Variants in KCNJ4 observed in about 807,000 individuals in gnomAD.
KCNJ4 encodes the protein potassium inwardly rectifying channel subfamily J member 4, also known as inward rectifier potassium channel 4.
KCNJ4 carries 3 observed loss-of-function variants against 25.6 expected under a neutral mutation model. That is an observed-to-expected ratio of 0.12 (90% CI 0.05 to 0.30). The LOEUF (loss-of-function observed/expected upper bound fraction) is 0.30, where lower values mean the gene tolerates loss of function less well. Ranked by LOEUF, KCNJ4 falls within the 10% of genes least tolerant of loss-of-function variation. KCNJ4 has a pLI of 1.00. For synonymous variants in KCNJ4, 257 were observed against 283.9 expected, an observed-to-expected ratio of 0.91 and a Z score of 0.95; for missense variants, 286 against 666.8, an observed-to-expected ratio of 0.43 and a Z score of 6.29.
chr22:38,448,525 C>T (rs2089391170), intron 1 of KCNJ4, among the ~76,000 whole-genome samples: 1 of 152,234 alleles, frequency 6.6e-6, no homozygotes, highest in African/African-American at 2.4e-5. Context: ...GCTGCCCTTC[C>T]CCTCGCTCCG....
intron 1 of KCNJ4, among the ~76,000 whole-genome samples, chr22:38,448,345 C>T (rs934436743): frequency 6.6e-6 from 1 of 151,958 alleles, no homozygotes; most frequent in Non-Finnish European, 1.5e-5. Flanking sequence ...AAAGGCTGAG[C>T]ACGCCCCACC....
At chr22:38,454,302 G>A (rs1365733595) in intron 1 of KCNJ4, among the ~76,000 whole-genome samples, 1 of 152,134 alleles carries the variant, frequency 6.6e-6, no homozygotes, top group Non-Finnish European at 1.5e-5. Flanking sequence ...GTGGGTAGGG[G>A]GCAGGGAGGC....
chr22:38,434,849 C>T (rs909192677), intron 1 of KCNJ4, among the ~76,000 whole-genome samples: 3 of 152,224 alleles, frequency 2.0e-5, no homozygotes, highest in African/African-American at 7.2e-5. Flanking sequence ...CCAGCATATC[C>T]TCTTTGAACC....
chr22:38,435,610 T>C (rs1027903046), intron 1 of KCNJ4, among the ~76,000 whole-genome samples: 3 of 151,198 alleles, frequency 2.0e-5, no homozygotes, highest in African/African-American at 7.3e-5. Flanking sequence ...GGAGAATCGC[T>C]TGAACCCAGG....
At chr22:38,437,977 G>A (rs370571103) in intron 1 of KCNJ4, among the ~76,000 whole-genome samples, 130 of 152,052 alleles carry the variant, frequency 8.5e-4, no homozygotes, top group African/African-American at 2.7e-3. Context: ...GGTGGCTCAC[G>A]CCTGTATTCC....
At chr22:38,440,139 T>C (rs1330559123) in intron 1 of KCNJ4, among the ~76,000 whole-genome samples, 2 of 151,798 alleles carry the variant, frequency 1.3e-5, no homozygotes, top group African/African-American at 4.8e-5. Context: ...GCCAGGTGTA[T>C]TGGCTCATGC....
intron 1 of KCNJ4, among the ~76,000 whole-genome samples, chr22:38,452,225 G>A (rs113309070): frequency 2.0e-5 from 3 of 152,298 alleles, no homozygotes; most frequent in African/African-American, 7.2e-5. Flanking sequence ...GTGGCCAGCC[G>A]TTCTCTATAC....
intron 1 of KCNJ4, among the ~76,000 whole-genome samples, chr22:38,433,914 A>G (rs1217748902): frequency 2.0e-5 from 3 of 152,194 alleles, no homozygotes; most frequent in Admixed American, 1.3e-4. Context: ...TTAGGACACT[A>G]ACTTATCTGT....
chr22:38,446,954 C>CAAAAAAAAAAAAAAAAAAAAAAA (rs11294836), intron 1 of KCNJ4, among the ~76,000 whole-genome samples: 4 of 133,904 alleles, frequency 3.0e-5, no homozygotes, highest in African/African-American at 1.1e-4. Context: ...GACTCCATCT[C>CAAAAAAAAAAAAAAAAAAAAAAA]AAAAAAAAAA....
Position 38,426,834 on chromosome 22 carries a change from C to A in KCNJ4, c.1299G>T (p.Pro433=). Reference sequence around the variant, plus strand: ...CCCTGCGGTAGGAGATGTTGTCCAGCGGGAGGGAAGCCTGCATGCGCTCCA... The same window carrying A: ...CCCTGCGGTAGGAGATGTTGTCCAGAGGGAGGGAAGCCTGCATGCGCTCCA... ...LDLERMQASL[P]LDNISYRRES... Residue 433 remains proline (P), a synonymous_variant, in exon 2 of 2, where the codon CCG becomes CCT. Transcript: ENST00000303592. The A allele has an allele frequency of 1.2e-6, 2 of 1,613,164 alleles. No individual in the cohort carries two copies. The highest frequency in any genetic ancestry group is 1.1e-5 in the South Asian group (1 of 91,014).
intron 1 of KCNJ4, among the ~76,000 whole-genome samples, chr22:38,446,601 C>T (rs1004562455): frequency 1.3e-5 from 2 of 152,154 alleles, no homozygotes; most frequent in Non-Finnish European, 1.5e-5. Flanking sequence ...TTCATATCAA[C>T]GAGCTATGAT....
chr22:38,447,631 A>C (rs2089383790), intron 1 of KCNJ4, among the ~76,000 whole-genome samples: 3 of 151,798 alleles, frequency 2.0e-5, no homozygotes, highest in African/African-American at 4.8e-5. Context: ...GGGTTGGGGG[A>C]AGCTTCACTG....
intron 1 of KCNJ4, among the ~76,000 whole-genome samples, chr22:38,447,720 A>C (rs2089384157): frequency 6.6e-6 from 1 of 152,136 alleles, no homozygotes; most frequent in African/African-American, 2.4e-5. Context: ...CCCCATCAGT[A>C]AAATGGGGTC....
At chr22:38,434,199 C>A (rs1477098517) in intron 1 of KCNJ4, among the ~76,000 whole-genome samples, 1 of 152,194 alleles carries the variant, frequency 6.6e-6, no homozygotes, top group Non-Finnish European at 1.5e-5. Flanking sequence ...GGTTGTCATG[C>A]ATCTCATGTC....
intron 1 of KCNJ4, among the ~76,000 whole-genome samples, chr22:38,431,374 T>C (rs16998937): frequency 0.038 from 5,816 of 152,210 alleles, 377 homozygotes; most frequent in African/African-American, 0.13. Flanking sequence ...CCAGGGTCAA[T>C]TCTGAGCTTC....
chr22:38,431,484 C>T (rs1206145834), intron 1 of KCNJ4, among the ~76,000 whole-genome samples: 1 of 152,208 alleles, frequency 6.6e-6, no homozygotes, highest in Admixed American at 6.5e-5. Flanking sequence ...CCCCTCACCC[C>T]GGTGCCTCCC....
chr22:38,449,553 C>A lies in KCNJ4; in HGVS notation c.-40+5427G>T, dbSNP rs781528805. Among the ~76,000 whole-genome samples the A allele has an allele frequency of 6.6e-6, 1 of 152,176 alleles. No homozygotes were observed. Reference sequence around the variant, plus strand: ...GCATGCGTGTGTGCCTGTGTCTGTGCCTGAGCATGCACGCGCAGGCTGAAA... The same window carrying A: ...GCATGCGTGTGTGCCTGTGTCTGTGACTGAGCATGCACGCGCAGGCTGAAA... On this transcript the variant is annotated intron_variant, in intron 1 of 1. Coordinates refer to ENST00000303592, the MANE Select transcript of KCNJ4 (RefSeq NM_152868.3). The surrounding 1 kb of genome is among the most constrained non-coding windows in gnomAD (Gnocchi z 5.2).
intron 1 of KCNJ4, among the ~76,000 whole-genome samples, chr22:38,440,820 C>A (rs1366139741): frequency 1.3e-5 from 2 of 152,110 alleles, no homozygotes; most frequent in African/African-American, 4.8e-5. Flanking sequence ...TCGAGAGTGG[C>A]CTGTAGTGGT....
At chr22:38,436,255 C>T (rs1413448056) in intron 1 of KCNJ4, among the ~76,000 whole-genome samples, 1 of 152,254 alleles carries the variant, frequency 6.6e-6, no homozygotes, top group Admixed American at 6.5e-5. Context: ...GTGCATTTTA[C>T]TCAAGGCTGA....
Sources: allele counts gnomAD v4.1 joint callset (sites outside exome capture counted in the v4.1 genomes callset), GRCh38; gene constraint gnomAD v4.1.1; non-coding constraint Gnocchi (gnomAD v3.1); transcripts MANE v1.5; gene names NCBI Gene and HGNC (gene_info 2026-07-23, HGNC 2026-07-21).